Variants in PTPRM observed in about 807,000 individuals in gnomAD.
PTPRM encodes the protein protein tyrosine phosphatase receptor type M, also known as receptor-type tyrosine-protein phosphatase mu.
A neutral mutation model predicts 186.7 loss-of-function variants in PTPRM; 47 were observed. The observed-to-expected ratio is 0.25, with a 90% confidence interval of 0.20 to 0.32. The LOEUF (loss-of-function observed/expected upper bound fraction) is 0.32. PTPRM is among the 10% of genes least tolerant of loss of function. The pLI, the probability that PTPRM is intolerant of heterozygous loss-of-function variation, is 1.00. For synonymous variants in PTPRM, 668 were observed against 674.9 expected (o/e 0.99, Z 0.16); for missense variants, 1,494 against 1,865.0 (o/e 0.80, Z 3.66).
chr18:7,623,026 C>T (rs139569919), intron 1 of PTPRM, among the ~76,000 whole-genome samples: 15 of 152,210 alleles, frequency 9.9e-5, no homozygotes, highest in African/African-American at 3.6e-4. Flanking sequence ...TCTGGGCAGT[C>T]AAACTTGTGT....
intron 1 of PTPRM, among the ~76,000 whole-genome samples, chr18:7,691,136 C>A (rs533527669): frequency 6.6e-6 from 1 of 151,442 alleles, no homozygotes; most frequent in African/African-American, 2.4e-5. Flanking sequence ...TTTTTAAGAC[C>A]TTGCATTATT....
chr18:7,775,343 TG>T (rs1174412368), intron 2 of PTPRM, among the ~76,000 whole-genome samples: 9 of 152,360 alleles, frequency 5.9e-5, no homozygotes, highest in Admixed American at 1.3e-4. Context: ...CCTCCTTTTC[TG>T]TGTCTCTTGT....
At chr18:7,780,484 T>A (rs1168964188) in intron 2 of PTPRM, among the ~76,000 whole-genome samples, 1 of 152,194 alleles carries the variant, frequency 6.6e-6, no homozygotes, top group Non-Finnish European at 1.5e-5. Context: ...TGACCATGGG[T>A]CTACATGCCC....
intron 31 of PTPRM, 152 bp from the exon 32 acceptor site, chr18:8,394,324 T>C (rs1280586045): frequency 2.5e-6 from 2 of 801,988 alleles, no homozygotes; most frequent in East Asian, 6.3e-5. Flanking sequence ...TTTGCTTTAA[T>C]TAAAAGAATC....
chr18:7,616,136 G>A (rs2037797410), intron 1 of PTPRM, among the ~76,000 whole-genome samples: 1 of 152,184 alleles, frequency 6.6e-6, no homozygotes, highest in African/African-American at 2.4e-5. Context: ...AGGGACATCA[G>A]GAAAGTCCAG....
At chr18:8,251,412 G>T (rs1339352901) in intron 17 of PTPRM, among the ~76,000 whole-genome samples, 1 of 152,178 alleles carries the variant, frequency 6.6e-6, no homozygotes, top group African/African-American at 2.4e-5. Flanking sequence ...AAGGGATTCG[G>T]TACTTCAGCA....
intron 1 of PTPRM, among the ~76,000 whole-genome samples, chr18:7,626,973 G>C (rs1034475071): frequency 4.6e-5 from 7 of 152,048 alleles, no homozygotes; most frequent in Non-Finnish European, 1.0e-4. Context: ...CTGCACCTGG[G>C]AGTGCATCAC....
chr18:8,037,234 A>G (rs2086390699), intron 7 of PTPRM, among the ~76,000 whole-genome samples: 1 of 152,150 alleles, frequency 6.6e-6, no homozygotes, highest in Non-Finnish European at 1.5e-5. Context: ...CTCACACTTA[A>G]TACCTTCATT....
At chr18:7,721,790 T>C (rs1041938925) in intron 1 of PTPRM, among the ~76,000 whole-genome samples, 5 of 152,200 alleles carry the variant, frequency 3.3e-5, no homozygotes, top group African/African-American at 1.2e-4. Flanking sequence ...CTCTCTATTC[T>C]GTTTCATTAC....
chr18:8,270,839 G>A (rs1376751473), intron 19 of PTPRM, among the ~76,000 whole-genome samples: 1 of 152,134 alleles, frequency 6.6e-6, no homozygotes, highest in East Asian at 1.9e-4. Context: ...GCCAGGGGAT[G>A]GGGGTTAGAG....
At chr18:7,898,437 G>C (rs1263047724) in intron 3 of PTPRM, among the ~76,000 whole-genome samples, 1 of 152,178 alleles carries the variant, frequency 6.6e-6, no homozygotes, top group African/African-American at 2.4e-5. Context: ...CACTGAAGCG[G>C]GGAGGATCAG....
At chr18:8,031,559 C>A (rs184877311) in intron 7 of PTPRM, among the ~76,000 whole-genome samples, 166 of 152,204 alleles carry the variant, frequency 1.1e-3, no homozygotes, top group African/African-American at 3.9e-3. Flanking sequence ...TACTCGTGCA[C>A]CTTAAGTGAA....
At chr18:8,143,045 C>T (rs2092800908) in intron 13 of PTPRM, among the ~76,000 whole-genome samples, 1 of 152,114 alleles carries the variant, frequency 6.6e-6, no homozygotes, top group Admixed American at 6.5e-5. Flanking sequence ...TCAGCCGCTT[C>T]CACTTTGTGA....
chr18:7,904,350 G>A (rs1344828226), intron 3 of PTPRM, among the ~76,000 whole-genome samples: 2 of 152,070 alleles, frequency 1.3e-5, no homozygotes, highest in Non-Finnish European at 2.9e-5. Context: ...CAGTGACGAT[G>A]CTAAACAATT....
chr18:7,890,731 G>A (rs1281732119), intron 3 of PTPRM, among the ~76,000 whole-genome samples: 1 of 152,032 alleles, frequency 6.6e-6, no homozygotes, highest in African/African-American at 2.4e-5. Context: ...ATTCATAGCA[G>A]CTTATTTATA....
chr18:8,230,656 T>G (rs989524023), intron 14 of PTPRM, among the ~76,000 whole-genome samples: 9 of 152,266 alleles, frequency 5.9e-5, no homozygotes, highest in Admixed American at 2.0e-4. Context: ...GTGCCTGGCA[T>G]GGCTAATCTG....
intron 1 of PTPRM, among the ~76,000 whole-genome samples, chr18:7,643,845 A>G (rs1245873597): frequency 2.6e-5 from 4 of 152,206 alleles, no homozygotes; most frequent in African/African-American, 9.6e-5. Context: ...GTGCTTTTAC[A>G]TATGAGCACA....
chr18:8,035,183 G>A (rs771128106), intron 7 of PTPRM, among the ~76,000 whole-genome samples: 4 of 152,064 alleles, frequency 2.6e-5, no homozygotes, highest in Non-Finnish European at 5.9e-5. Flanking sequence ...TTCTCAATTC[G>A]TCTCTTTTCC....
chr18:7,704,307 T>A (rs967759555), intron 1 of PTPRM, among the ~76,000 whole-genome samples: 1 of 152,232 alleles, frequency 6.6e-6, no homozygotes, highest in Non-Finnish European at 1.5e-5. Flanking sequence ...GGTCCTGGGC[T>A]ATTTTTGGTT....
Sources: allele counts gnomAD v4.1 joint callset (sites outside exome capture counted in the v4.1 genomes callset), GRCh38; gene constraint gnomAD v4.1.1; transcripts MANE v1.5; gene names NCBI Gene and HGNC (gene_info 2026-07-23, HGNC 2026-07-21).